The following BRINP1 variants were observed in gnomAD, a reference collection of about 807,000 sequenced individuals.
BRINP1 encodes the protein BMP/retinoic acid-inducible neural-specific protein 1.
A neutral mutation model predicts 72.9 loss-of-function variants in BRINP1; 17 were observed. The ratio of observed to expected loss-of-function variants is 0.23; its 90% CI spans 0.16 to 0.35. The LOEUF is 0.35. BRINP1 is among the 10% of genes least tolerant of loss of function. The pLI, the probability that BRINP1 is intolerant of heterozygous loss-of-function variation, is 1.00. For synonymous variants in BRINP1, 418 were observed against 378.5 expected (o/e 1.10, Z -1.21); for missense variants, 850 against 1,001.6 (o/e 0.85, Z 2.04).
chr9:119,276,879 T>C (rs1160249029), intron 2 of BRINP1, among the ~76,000 whole-genome samples: 1 of 152,204 alleles, frequency 6.6e-6, no homozygotes, highest in Non-Finnish European at 1.5e-5. Flanking sequence ...ATTTAAATTT[T>C]TAGTGTACAG....
At chr9:119,274,733 G>A (rs1830638448) in intron 2 of BRINP1, among the ~76,000 whole-genome samples, 1 of 152,138 alleles carries the variant, frequency 6.6e-6, no homozygotes, top group Admixed American at 6.6e-5. Flanking sequence ...CTAAAAATTA[G>A]AAAACTGAAG....
chr9:119,224,530 G>A (rs901732848), intron 5 of BRINP1, among the ~76,000 whole-genome samples: 3 of 151,958 alleles, frequency 2.0e-5, no homozygotes, highest in Admixed American at 1.3e-4. Context: ...TAATATTAGG[G>A]CACTTTTGCT....
intron 2 of BRINP1, among the ~76,000 whole-genome samples, chr9:119,292,310 A>G (rs1225105661): frequency 5.3e-5 from 8 of 152,224 alleles, no homozygotes; most frequent in Non-Finnish European, 1.2e-4. Flanking sequence ...GAAGAAAAAT[A>G]TAATGGACGT....
chr9:119,268,797 A>C (rs1830579644), intron 2 of BRINP1, among the ~76,000 whole-genome samples: 1 of 152,226 alleles, frequency 6.6e-6, no homozygotes, highest in African/African-American at 2.4e-5. Context: ...AGCACTTAGT[A>C]GGTGCTCAAT....
intron 5 of BRINP1, among the ~76,000 whole-genome samples, chr9:119,228,255 T>C (rs1050813645): frequency 6.6e-6 from 1 of 151,896 alleles, no homozygotes; most frequent in Non-Finnish European, 1.5e-5. Flanking sequence ...GCACCAATTA[T>C]ATTCAAAAAC....
At chr9:119,222,468 C>T (rs1830049930) in intron 5 of BRINP1, among the ~76,000 whole-genome samples, 1 of 152,022 alleles carries the variant, frequency 6.6e-6, no homozygotes. Context: ...AAAAAGTTTG[C>T]CAACTCTTCT....
chr9:119,219,646 T>A (rs1830017195), intron 5 of BRINP1, among the ~76,000 whole-genome samples: 2 of 125,822 alleles, frequency 1.6e-5, no homozygotes, highest in Non-Finnish European at 3.4e-5. Context: ...TACTGTTTAC[T>A]GAGAGAGAGA....
intron 2 of BRINP1, among the ~76,000 whole-genome samples, chr9:119,308,238 A>G (rs2118990198): frequency 6.6e-6 from 1 of 152,356 alleles, no homozygotes; most frequent in Non-Finnish European, 1.5e-5. Context: ...ACATACATTA[A>G]GAAATGCTGA....
intron 3 of BRINP1, among the ~76,000 whole-genome samples, chr9:119,245,477 AG>A (rs1257096392): frequency 6.6e-6 from 1 of 152,216 alleles, no homozygotes; most frequent in African/African-American, 2.4e-5. Flanking sequence ...TATGGTCATC[AG>A]GGGGACTAAG....
At chr9:119,268,900 C>T (rs1830580470) in intron 2 of BRINP1, among the ~76,000 whole-genome samples, 2 of 152,210 alleles carry the variant, frequency 1.3e-5, no homozygotes, top group African/African-American at 4.8e-5. Flanking sequence ...TTCCCTAAGA[C>T]TTCCAACTCA....
At chr9:119,224,822 T>C (rs1191524881) in intron 5 of BRINP1, among the ~76,000 whole-genome samples, 3 of 152,068 alleles carry the variant, frequency 2.0e-5, no homozygotes, top group Non-Finnish European at 4.4e-5. Context: ...GCAAATCACA[T>C]GGACAAGGCC....
At chr9:119,333,667 G>A (rs572324753) in intron 1 of BRINP1, among the ~76,000 whole-genome samples, 3 of 152,176 alleles carry the variant, frequency 2.0e-5, no homozygotes, top group African/African-American at 4.8e-5. Context: ...TGTCCTAAAC[G>A]AGGGGACACT....
chr9:119,172,221 T>TTGA (rs1829421479), intron 7 of BRINP1, among the ~76,000 whole-genome samples: 1 of 152,132 alleles, frequency 6.6e-6, no homozygotes, highest in East Asian at 1.9e-4. Flanking sequence ...ATCAACAAAA[T>TTGA]TGATAGACTA....
rs534474781 is a variant in BRINP1, at chr9:119,259,035, G to T, written c.219-9885C>A. Among the ~76,000 whole-genome samples, 12 of 152,270 alleles carry T rather than the reference G, an allele frequency of 7.9e-5. No homozygotes were observed. The Middle Eastern group carries it at 0.01, about 129-fold the overall frequency. On this transcript the variant is annotated intron_variant, in intron 2 of 7. Transcript: ENST00000265922. ...GTCATTGACTCTGGCAACCCACCCT[G>T]CCAGGAGTCTCCACAATGCTCTACA...
intron 2 of BRINP1, among the ~76,000 whole-genome samples, chr9:119,305,854 C>G (rs1468911553): frequency 2.6e-5 from 4 of 152,188 alleles, no homozygotes; most frequent in Non-Finnish European, 4.4e-5. Context: ...CCCCAGGAAA[C>G]AGTGCAGGGC....
At chr9:119,217,571 C>G (rs1266600533) in intron 5 of BRINP1, among the ~76,000 whole-genome samples, 1 of 150,850 alleles carries the variant, frequency 6.6e-6, no homozygotes, top group Non-Finnish European at 1.5e-5. Context: ...GAATGTTTCA[C>G]TGTTCTGCAG....
At chr9:119,193,688 T>C (rs1829704807) in intron 7 of BRINP1, among the ~76,000 whole-genome samples, 1 of 152,202 alleles carries the variant, frequency 6.6e-6, no homozygotes, top group South Asian at 2.1e-4. Flanking sequence ...CAATTTGTTT[T>C]CAAAAAATAA....
At chr9:119,281,445 G>GAGAC (rs1357037813) in intron 2 of BRINP1, among the ~76,000 whole-genome samples, 1 of 151,888 alleles carries the variant, frequency 6.6e-6, no homozygotes, top group African/African-American at 2.4e-5. Context: ...GAGGGTGGGA[G>GAGAC]AGACAGAGAG....
intron 1 of BRINP1, among the ~76,000 whole-genome samples, chr9:119,319,172 G>A (rs1489310662): frequency 6.6e-6 from 1 of 152,004 alleles, no homozygotes; most frequent in African/African-American, 2.4e-5. Flanking sequence ...CATAACCTGA[G>A]TGGCAAATTG....
Sources: gnomAD v4.1 joint callset for allele counts (sites outside exome capture counted in the v4.1 genomes callset) on GRCh38, gnomAD v4.1.1 for gene constraint, MANE v1.5 for transcripts, NCBI Gene and HGNC (gene_info 2026-07-23, HGNC 2026-07-21) for gene names.